Variants in C1orf21 observed in about 807,000 individuals in gnomAD.
C1orf21 encodes the protein chromosome 1 open reading frame 21.
A neutral mutation model predicts 18.7 loss-of-function variants in C1orf21; 3 were observed. The ratio of observed to expected loss-of-function variants is 0.16; its 90% CI spans 0.07 to 0.42. The LOEUF (loss-of-function observed/expected upper bound fraction) is 0.42, where lower values mean the gene tolerates loss of function less well. C1orf21 is among the 10% of genes least tolerant of loss of function. The pLI, the probability that C1orf21 is intolerant of heterozygous loss-of-function variation, is 0.99. For synonymous variants in C1orf21, 41 were observed against 46.4 expected (o/e 0.88, Z 0.47); for missense variants, 104 against 143.6 (o/e 0.72, Z 1.41).
At chr1:184,416,266 G>C (rs970650776) in intron 1 of C1orf21, among the ~76,000 whole-genome samples, 1 of 152,068 alleles carries the variant, frequency 6.6e-6, no homozygotes, top group African/African-American at 2.4e-5. Context: ...TTTGTTCCTT[G>C]AAGGAATCAT....
intron 3 of C1orf21, among the ~76,000 whole-genome samples, chr1:184,523,692 C>A (rs891943062): frequency 2.6e-5 from 4 of 152,096 alleles, no homozygotes; most frequent in African/African-American, 7.2e-5. Context: ...TATGTAAATT[C>A]TCTGTACTAT....
At chr1:184,432,544 G>C (rs1333151854) in intron 1 of C1orf21, among the ~76,000 whole-genome samples, 1 of 152,114 alleles carries the variant, frequency 6.6e-6, no homozygotes, top group Non-Finnish European at 1.5e-5. Context: ...GGGAGGGATA[G>C]CATTAGGAGA....
intron 3 of C1orf21, among the ~76,000 whole-genome samples, chr1:184,571,554 C>A (rs1025871734): frequency 6.6e-6 from 1 of 152,146 alleles, no homozygotes; most frequent in Admixed American, 6.5e-5. Flanking sequence ...CCCTCTACCC[C>A]CTGTTGTTTG....
chr1:184,590,868 T>C lies in C1orf21; in HGVS notation c.266+53T>C, dbSNP rs554674096. 6 of 1,457,612 alleles carry C rather than the reference T, an allele frequency of 4.1e-6. No individual in the cohort carries two copies. In the East Asian group the frequency reaches 1.4e-4, roughly 33 times the overall value. 90.3% of individuals were successfully genotyped at this position (1,457,612 alleles called of 1,614,324 possible). A position where few individuals can be genotyped will look rare whatever the true frequency, so the allele number is the denominator to read the frequency against. On this transcript the variant is annotated intron_variant, in intron 4 of 5. Transcript: ENST00000235307. ...ATAGTCGGCCTTCCATATCCATGGA[T>C]TCTGCATCTGTGGATTCAACTACCC...
chr1:184,543,978 T>C (rs1467551113), intron 3 of C1orf21, among the ~76,000 whole-genome samples: 1 of 152,218 alleles, frequency 6.6e-6, no homozygotes, highest in South Asian at 2.1e-4. Flanking sequence ...TTCATTTAAG[T>C]AGCTTTGGAA....
intron 1 of C1orf21, among the ~76,000 whole-genome samples, chr1:184,476,085 G>A (rs572619527): frequency 1.2e-4 from 18 of 152,216 alleles, no homozygotes; most frequent in East Asian, 1.9e-4. Flanking sequence ...TTATTAGATC[G>A]ATTATGTTAA....
intron 1 of C1orf21, among the ~76,000 whole-genome samples, chr1:184,418,037 C>G (rs12142568): frequency 0.09 from 13,637 of 152,096 alleles, 1,035 homozygotes; most frequent in African/African-American, 0.2. Context: ...CCACACAGTC[C>G]CTATTCTTAG....
chr1:184,532,589 T>TA (rs1291489689), intron 3 of C1orf21, among the ~76,000 whole-genome samples: 3 of 151,758 alleles, frequency 2.0e-5, no homozygotes, highest in South Asian at 4.2e-4. Flanking sequence ...TACTAAAAAT[T>TA]AAAAAAAATT....
intron 1 of C1orf21, among the ~76,000 whole-genome samples, chr1:184,476,378 G>C (rs982203509): frequency 7.9e-5 from 12 of 152,136 alleles, no homozygotes; most frequent in African/African-American, 2.9e-4. Flanking sequence ...TATTACAGTG[G>C]GAGGGATGGA....
At chr1:184,588,697 G>A (rs1465471299) in intron 3 of C1orf21, among the ~76,000 whole-genome samples, 1 of 152,172 alleles carries the variant, frequency 6.6e-6, no homozygotes, top group African/African-American at 2.4e-5. Context: ...ATTTGGAAGT[G>A]CTTAGAATAA....
chr1:184,446,715 A>G (rs1481221642), intron 1 of C1orf21, among the ~76,000 whole-genome samples: 1 of 152,008 alleles, frequency 6.6e-6, no homozygotes, highest in Non-Finnish European at 1.5e-5. Context: ...CTGAGTGAAA[A>G]AAAAAACAAA....
intron 1 of C1orf21, among the ~76,000 whole-genome samples, chr1:184,472,549 T>C (rs1387830600): frequency 6.6e-6 from 1 of 152,224 alleles, no homozygotes; most frequent in Non-Finnish European, 1.5e-5. Context: ...GTTATGTAAA[T>C]AGAAATATTT....
intron 3 of C1orf21, among the ~76,000 whole-genome samples, chr1:184,580,787 T>A (rs992383721): frequency 1.3e-5 from 2 of 152,372 alleles, no homozygotes; most frequent in East Asian, 3.9e-4. Flanking sequence ...TTATCCTTAG[T>A]GCCTTGAACT....
At position 184,547,400 on chromosome 1, in the gene C1orf21, C is replaced by T. The variant is rs76005463; in HGVS notation, c.189+39718C>T. On this transcript the variant is annotated intron_variant, in intron 3 of 5. Transcript: ENST00000235307. ...TGTGTTTATGATCCTACTTCCTTGC[C>T]ATTTAAAGATACATCCAGACTTTTT... is the stretch of plus-strand genomic sequence containing the variant. 9.5e-3 allele frequency among the ~76,000 whole-genome samples: 1,367 copies of T among 143,518 alleles called. 22 individuals are homozygous for T. Among genetic ancestry groups the T allele is most frequent in the African/African-American group, 0.033 (1,266 of 38,532 alleles). 94.2% of individuals were successfully genotyped at this position (143,518 alleles called of 152,430 possible).
In C1orf21 at chr1:184,606,964, T is replaced by A. The variant is rs1659655035; in HGVS notation, c.327+8503T>A. 2.0e-5 allele frequency among the ~76,000 whole-genome samples: 3 copies of A among 152,228 alleles called. No individual in the cohort carries two copies. The South Asian group carries it at 6.2e-4, about 32-fold the overall frequency. ...GCTGGGAAGGAATTATGAGGCACAT[T>A]ATGTTCTGAACATTGCTTGAAAAAT... On this transcript the variant is annotated intron_variant, in intron 5 of 5. Coordinates refer to ENST00000235307, the MANE Select transcript of C1orf21 (RefSeq NM_030806.4).
chr1:184,509,071 G>A (rs1403120825), intron 3 of C1orf21, among the ~76,000 whole-genome samples: 1 of 152,148 alleles, frequency 6.6e-6, no homozygotes, highest in East Asian at 1.9e-4. Context: ...AATATTTACT[G>A]TAGAGGCTAG....
At chr1:184,462,587 A>G (rs1657323824) in intron 1 of C1orf21, among the ~76,000 whole-genome samples, 1 of 152,188 alleles carries the variant, frequency 6.6e-6, no homozygotes, top group African/African-American at 2.4e-5. Flanking sequence ...CCTTGAACAC[A>G]GTATTTGTGT....
chr1:184,531,702 A>C (rs77964679), intron 3 of C1orf21, among the ~76,000 whole-genome samples: 1 of 151,966 alleles, frequency 6.6e-6, no homozygotes, highest in Non-Finnish European at 1.5e-5. Flanking sequence ...AGTGTTTATC[A>C]TATGGAAGCC....
intron 3 of C1orf21, among the ~76,000 whole-genome samples, chr1:184,578,468 C>T (rs954677106): frequency 2.6e-5 from 4 of 152,246 alleles, no homozygotes; most frequent in East Asian, 1.9e-4. Flanking sequence ...GTATAAACCA[C>T]GGATTTTGTC....
Sources: allele counts gnomAD v4.1 joint callset (sites outside exome capture counted in the v4.1 genomes callset), GRCh38; gene constraint gnomAD v4.1.1; transcripts MANE v1.5; gene names NCBI Gene and HGNC (gene_info 2026-07-23, HGNC 2026-07-21).